MCTP2: variants seen among roughly 807,000 people sequenced by gnomAD.
MCTP2 encodes multiple C2 and transmembrane domain-containing protein 2.
Under a neutral mutation model 111.6 loss-of-function variants are expected in MCTP2, and 132 were observed. That is an observed-to-expected ratio of 1.18 (90% confidence interval 1.03 to 1.37). MCTP2 has a LOEUF of 1.37. Ranked by LOEUF, MCTP2 falls within the 40% of genes most tolerant of loss-of-function variation. MCTP2 has a pLI of 0.00. For missense variants in MCTP2, 1,183 were observed against 1,067.9 expected (o/e 1.11, Z -1.50); for synonymous variants, 395 against 387.7 (o/e 1.02, Z -0.22).
chr15:94,362,149 C>G (rs960790271), intron 10 of MCTP2, among the ~76,000 whole-genome samples: 3 of 151,796 alleles, frequency 2.0e-5, no homozygotes, highest in African/African-American at 2.4e-5. Flanking sequence ...ATGGGCAAAA[C>G]AAGCAAAAAA....
intron 1 of MCTP2, among the ~76,000 whole-genome samples, chr15:94,250,248 G>A (rs1300033468): frequency 6.6e-6 from 1 of 152,176 alleles, no homozygotes; most frequent in African/African-American, 2.4e-5. Context: ...TGTTCCTGGT[G>A]TATGTGTGTA....
At chr15:94,363,724 C>T (rs1037952200) in intron 10 of MCTP2, among the ~76,000 whole-genome samples, 2 of 151,924 alleles carry the variant, frequency 1.3e-5, no homozygotes, top group African/African-American at 4.8e-5. Context: ...TGCAGTGGAG[C>T]TCCTATTGAT....
intron 2 of MCTP2, among the ~76,000 whole-genome samples, chr15:94,303,417 A>T (rs112612470): frequency 2.0e-5 from 3 of 152,150 alleles, no homozygotes; most frequent in African/African-American, 7.2e-5. Flanking sequence ...TGATTAGATG[A>T]TGCCCACCCA....
At chr15:94,463,707 G>C (rs1015921351) in intron 20 of MCTP2, among the ~76,000 whole-genome samples, 4 of 152,130 alleles carry the variant, frequency 2.6e-5, no homozygotes, top group Non-Finnish European at 5.9e-5. Flanking sequence ...GATGTTTGCT[G>C]TAGGTTATTG....
At chr15:94,335,659 GT>G (rs1323985385) in intron 4 of MCTP2, among the ~76,000 whole-genome samples, 1 of 152,158 alleles carries the variant, frequency 6.6e-6, no homozygotes, top group African/African-American at 2.4e-5. Flanking sequence ...TTGTAGTATT[GT>G]TTGTACTAGT....
chr15:94,396,346 T>C (rs778230928), intron 14 of MCTP2, among the ~76,000 whole-genome samples: 2 of 152,192 alleles, frequency 1.3e-5, no homozygotes, highest in Non-Finnish European at 2.9e-5. Context: ...TAATTATGTC[T>C]GTTTAATTAT....
At chr15:94,458,458 T>C (rs1200990784) in intron 20 of MCTP2, among the ~76,000 whole-genome samples, 1 of 152,224 alleles carries the variant, frequency 6.6e-6, no homozygotes, top group East Asian at 1.9e-4. Flanking sequence ...ACGGCCCAGT[T>C]TATTCCAGTC....
At chr15:94,404,762 C>G (rs918104366) in intron 17 of MCTP2, among the ~76,000 whole-genome samples, 1 of 152,082 alleles carries the variant, frequency 6.6e-6, no homozygotes, top group Non-Finnish European at 1.5e-5. Flanking sequence ...TAGGGGGCTG[C>G]CCTGGCTGTA....
At chr15:94,345,038 C>A in intron 7 of MCTP2, 91 bp from the exon 8 acceptor site, 2 of 1,401,530 alleles carry the variant, frequency 1.4e-6, no homozygotes, top group Non-Finnish European at 2.0e-6. Flanking sequence ...TAACCTGGAC[C>A]ATCTAACATA....
intron 1 of MCTP2, among the ~76,000 whole-genome samples, chr15:94,244,271 C>CACGTGTAT: frequency 1.4e-5 from 2 of 140,846 alleles, no homozygotes; most frequent in Admixed American, 7.0e-5. Context: ...TATTTATATA[C>CACGTGTAT]ACACATATAT....
chr15:94,243,561 G>C (rs1442425315), intron 1 of MCTP2, among the ~76,000 whole-genome samples: 1 of 147,230 alleles, frequency 6.8e-6, no homozygotes, highest in Non-Finnish European at 1.5e-5. Flanking sequence ...GCGTATATGC[G>C]TATGTACATA....
chr15:94,377,717 G>C (rs1017492315), intron 12 of MCTP2, among the ~76,000 whole-genome samples: 1 of 152,156 alleles, frequency 6.6e-6, no homozygotes, highest in African/African-American at 2.4e-5. Context: ...GATTTAACCA[G>C]TGACTGTCTA....
chr15:94,251,772 A>C (rs375346294), intron 1 of MCTP2, among the ~76,000 whole-genome samples: 1 of 152,166 alleles, frequency 6.6e-6, no homozygotes, highest in South Asian at 2.1e-4. Flanking sequence ...AACTGTGTCC[A>C]TTAAACACTG....
chr15:94,307,278 G>T (rs1405986441), intron 2 of MCTP2, among the ~76,000 whole-genome samples: 2 of 152,294 alleles, frequency 1.3e-5, no homozygotes, highest in African/African-American at 4.8e-5. Context: ...TGCTGGGGGG[G>T]AGGTGTTATC....
intron 2 of MCTP2, among the ~76,000 whole-genome samples, chr15:94,309,422 C>T (rs2076030189): frequency 6.6e-6 from 1 of 152,140 alleles, no homozygotes; most frequent in South Asian, 2.1e-4. Context: ...AATTTTTACT[C>T]TTATTTAGCT....
intron 19 of MCTP2, among the ~76,000 whole-genome samples, chr15:94,454,679 C>G (rs996811069): frequency 1.3e-5 from 2 of 150,622 alleles, no homozygotes; most frequent in Admixed American, 1.3e-4. Context: ...GAAGTACTAA[C>G]TTCATTTTTG....
chr15:94,441,453 T>G (rs912238603), intron 18 of MCTP2, among the ~76,000 whole-genome samples: 24 of 152,342 alleles, frequency 1.6e-4, no homozygotes, highest in Admixed American at 1.1e-3. Flanking sequence ...ACTAACATTT[T>G]TACAATGTTT....
intron 18 of MCTP2, among the ~76,000 whole-genome samples, chr15:94,442,002 T>C (rs2083809849): frequency 6.6e-6 from 1 of 152,204 alleles, no homozygotes; most frequent in South Asian, 2.1e-4. Context: ...AGTGGTTTTA[T>C]GGAATGTAGC....
chr15:94,287,162 G>A (rs2152320077), intron 1 of MCTP2, among the ~76,000 whole-genome samples: 1 of 151,906 alleles, frequency 6.6e-6, no homozygotes, highest in African/African-American at 2.4e-5. Context: ...GCTTTGTCTG[G>A]AAAATACATT....
Sources: gnomAD v4.1 joint callset for allele counts (sites outside exome capture counted in the v4.1 genomes callset) on GRCh38, gnomAD v4.1.1 for gene constraint, MANE v1.5 for transcripts, NCBI Gene and HGNC (gene_info 2026-07-23, HGNC 2026-07-21) for gene names.